CP: variants seen among roughly 807,000 people sequenced by gnomAD.
The protein encoded by CP is caeruloplasmin.
Under a neutral mutation model 122.4 loss-of-function variants are expected in CP, and 64 were observed. The observed-to-expected ratio is 0.52, with a 90% CI of 0.43 to 0.64. The LOEUF (loss-of-function observed/expected upper bound fraction) is 0.64. Ranked by LOEUF, CP falls within the 30% of genes least tolerant of loss-of-function variation. The pLI is 0.00. For missense variants in CP, 1,167 were observed against 1,284.4 expected (o/e 0.91, Z 1.40); for synonymous variants, 440 against 436.4 (o/e 1.01, Z -0.10).
chr3:149,173,764 A>G, intron 18 of CP, 34 bp from the exon 19 acceptor site: 1 of 1,120,198 alleles, frequency 8.9e-7, no homozygotes, highest in Non-Finnish European at 1.3e-6. Context: ...CCATTATTAA[A>G]AATAATATAT....
Position 149,176,898 on chromosome 3 carries a change from A to T in CP, c.3019-486T>A, listed in dbSNP as rs150570343. Among the ~76,000 whole-genome samples, 47 of 152,334 alleles carry T rather than the reference A, an allele frequency of 3.1e-4. No individual in the cohort carries two copies. The East Asian group carries it at 8.9e-3, about 29-fold the overall frequency. ...CTCGGCTGGAAACAGTAGTTGGGTG[A>T]CAATAGTCTATTTCTGCAAGGATAG... On this transcript the variant is annotated intron_variant, in intron 17 of 18. Transcript: ENST00000264613.
intron 9 of CP, among the ~76,000 whole-genome samples, chr3:149,196,247 G>A (rs1726891871): frequency 1.3e-5 from 2 of 152,138 alleles, no homozygotes; most frequent in African/African-American, 4.8e-5. Flanking sequence ...AGATTTTTCA[G>A]TGCAGTTTAA....
chr3:149,219,137 A>G (rs1728652664), intron 1 of CP, among the ~76,000 whole-genome samples: 1 of 152,200 alleles, frequency 6.6e-6, no homozygotes, highest in South Asian at 2.1e-4. Context: ...CTGGTAAGAT[A>G]TATGGGGGAA....
At chr3:149,175,664 A>AGTGTGTGTGTGTGTGT (rs60005904) in intron 18 of CP, among the ~76,000 whole-genome samples, 2,998 of 145,608 alleles carry the variant, frequency 0.021, 53 homozygotes, top group South Asian at 0.028. Flanking sequence ...CTCCATTTTA[A>AGTGTGTGTGTGTGTGT]GTGTGTGTGT....
chr3:149,217,936 T>C (rs1728571260), intron 1 of CP: 1 of 431,856 alleles, frequency 2.3e-6, no homozygotes, highest in African/African-American at 2.1e-5. Context: ...TCTTGGTCAT[T>C]AGGCCTGCTT....
intron 1 of CP, among the ~76,000 whole-genome samples, chr3:149,215,398 T>G (rs1031540413): frequency 6.6e-6 from 1 of 152,144 alleles, no homozygotes; most frequent in Non-Finnish European, 1.5e-5. Flanking sequence ...TAGGCAAAGT[T>G]TTTTGGGGGG....
chr3:149,164,997 A>G (rs1219019165), intron 5 of CP, among the ~76,000 whole-genome samples: 1 of 152,194 alleles, frequency 6.6e-6, no homozygotes, highest in African/African-American at 2.4e-5. Context: ...TGAAGAGGCC[A>G]TATTGCTTAG....
intron 9 of CP, among the ~76,000 whole-genome samples, chr3:149,189,116 A>G (rs934794229): frequency 6.6e-6 from 1 of 152,212 alleles, no homozygotes; most frequent in Non-Finnish European, 1.5e-5. Context: ...CACAATCATA[A>G]GAAATACTAG....
chr3:149,163,737 T>G lies in CP; in HGVS notation c.*14-862A>C. Reference sequence around the variant, plus strand: ...CATTCCCAGGAAAGTATATACCTAATTCTATGACATGGCAGAGAATTAATG... The same window carrying G: ...CATTCCCAGGAAAGTATATACCTAAGTCTATGACATGGCAGAGAATTAATG... On this transcript the variant is annotated intron_variant, in intron 5 of 5. Transcript: ENST00000479771. 3 of 700,084 alleles carry G rather than the reference T, an allele frequency of 4.3e-6. 1 individual carries two copies. The highest frequency in any genetic ancestry group is 7.7e-6 in the Non-Finnish European group (3 of 391,706). The allele number at this position is 700,084 out of a possible 1,614,324, so 43.4% of individuals were successfully genotyped here.
downstream of CP, chr3:149,172,324 A>T (rs906148336): frequency 1.4e-5 from 9 of 643,418 alleles, no homozygotes; most frequent in South Asian, 7.0e-5. Flanking sequence ...TATATCACAC[A>T]CACACACACA....
chr3:149,216,971 G>A (rs1728496903), intron 1 of CP, among the ~76,000 whole-genome samples: 1 of 151,112 alleles, frequency 6.6e-6, no homozygotes, highest in African/African-American at 2.4e-5. Context: ...CGTGATCTCG[G>A]CTCACTGCAA....
At chr3:149,186,872 G>A (rs963915858) in intron 10 of CP, 140 bp from the exon 11 acceptor site, 2 of 766,918 alleles carry the variant, frequency 2.6e-6, no homozygotes, top group East Asian at 2.7e-5. Flanking sequence ...TGTGTCAGGA[G>A]TATCCTTGCA....
At chr3:149,194,055 A>T (rs1302005431) in intron 9 of CP, among the ~76,000 whole-genome samples, 1 of 152,224 alleles carries the variant, frequency 6.6e-6, no homozygotes, top group Non-Finnish European at 1.5e-5. Context: ...GCATAAAAAT[A>T]CATAGCCTCT....
chr3:149,162,776 G>T lies in CP; in HGVS notation c.*113C>A, dbSNP rs1724007894. The T allele has an allele frequency of 2.5e-6, 4 of 1,613,830 alleles. No individual in the cohort carries two copies. The highest frequency in any genetic ancestry group is 3.4e-6 in the Non-Finnish European group (4 of 1,179,820). On this transcript the variant is annotated 3_prime_UTR_variant, in exon 6 of 6. Coordinates refer to the CP transcript ENST00000479771. ...AGCTAGTGGCATGTCTCCCAGATGT[G>T]GTACTTCAGGAACTCTTTTTCAAAC...
intron 1 of CP, among the ~76,000 whole-genome samples, chr3:149,218,341 T>C (rs1728595005): frequency 6.6e-6 from 1 of 152,222 alleles, no homozygotes; most frequent in African/African-American, 2.4e-5. Context: ...AATTATCTCT[T>C]ATAAAGTCTT....
At chr3:149,202,402 C>G (rs1358259561) in intron 6 of CP, among the ~76,000 whole-genome samples, 161 bp from the exon 7 acceptor site, 2 of 152,106 alleles carry the variant, frequency 1.3e-5, no homozygotes, top group Non-Finnish European at 2.9e-5. Context: ...ACAAAGCAGA[C>G]AGTTCCAGTC....
At chr3:149,190,708 C>A (rs1447640779) in intron 9 of CP, among the ~76,000 whole-genome samples, 2 of 141,104 alleles carry the variant, frequency 1.4e-5, no homozygotes, top group African/African-American at 5.2e-5. Flanking sequence ...AACAACAAAA[C>A]TACTCCTTTT....
intron 18 of CP, 197 bp downstream of exon 18, chr3:149,176,053 G>A (rs1361509780): frequency 1.7e-6 from 1 of 590,756 alleles, no homozygotes; most frequent in Non-Finnish European, 3.0e-6. Flanking sequence ...AGTACTGGCT[G>A]TCAGGAAATG....
At chr3:149,211,607 C>T (rs1728103888) in intron 2 of CP, among the ~76,000 whole-genome samples, 1 of 152,220 alleles carries the variant, frequency 6.6e-6, no homozygotes, top group Non-Finnish European at 1.5e-5. Flanking sequence ...TTAATTGTGT[C>T]TCATATGTGA....
Sources: gnomAD v4.1 joint callset for allele counts (sites outside exome capture counted in the v4.1 genomes callset) on GRCh38, gnomAD v4.1.1 for gene constraint, MANE v1.5 for transcripts, NCBI Gene and HGNC (gene_info 2026-07-23, HGNC 2026-07-21) for gene names.